Variants in CYP2R1 observed in about 807,000 individuals in gnomAD.
CYP2R1 encodes the protein cytochrome P450 family 2 subfamily R member 1.
CYP2R1 carries 40 observed loss-of-function variants against 45.7 expected under a neutral mutation model. The ratio of observed to expected loss-of-function variants is 0.87; its 90% CI spans 0.68 to 1.14. The LOEUF (loss-of-function observed/expected upper bound fraction) is 1.14. Ranked by LOEUF, CYP2R1 falls within the 50% of genes most tolerant of loss-of-function variation. CYP2R1 has a pLI of 0.00. For missense variants in CYP2R1, 605 were observed against 602.6 expected, an observed-to-expected ratio of 1.00 and a Z score of -0.04; for synonymous variants, 234 against 219.3, an observed-to-expected ratio of 1.07 and a Z score of -0.59.
chr11:14,885,987 C>G (rs1565185093), intron 1 of CYP2R1, 70 bp from the exon 2 acceptor site: 2 of 1,492,100 alleles, frequency 1.3e-6, no homozygotes. Flanking sequence ...TGGAAATCTA[C>G]AAGTGGTAAG....
At chr11:14,887,873 G>C (rs1848679841) in intron 1 of CYP2R1, among the ~76,000 whole-genome samples, 1 of 152,150 alleles carries the variant, frequency 6.6e-6, no homozygotes, top group Non-Finnish European at 1.5e-5. Flanking sequence ...ATAACCTGCA[G>C]GTGACCGGTC....
At chr11:14,886,005 C>A (rs782784041) in intron 1 of CYP2R1, 88 bp from the exon 2 acceptor site, 50 of 1,323,424 alleles carry the variant, frequency 3.8e-5, no homozygotes, top group Non-Finnish European at 5.1e-5. Context: ...AAGTGCGGCT[C>A]TTCCAGGATT....
chr11:14,883,703 G>C (rs1848485322), intron 2 of CYP2R1, among the ~76,000 whole-genome samples: 1 of 151,964 alleles, frequency 6.6e-6, no homozygotes, highest in Non-Finnish European at 1.5e-5. Context: ...TTAAACTCAA[G>C]AGCTTCTGCA....
chr11:14,891,256 G>A (rs868968708), intron 1 of CYP2R1: 9 of 985,038 alleles, frequency 9.1e-6, no homozygotes, highest in African/African-American at 8.7e-5. Flanking sequence ...TCACCGGCTG[G>A]TTATGAGTTT....
chr11:14,884,472 A>G lies in CYP2R1; in HGVS notation c.367+1304T>C, dbSNP rs1306130497. Reference sequence around the variant, plus strand: ...CCGCATATTCTCACTCATAGGTGGGAACTGAACAATGAGAACACATGGACA... The same window carrying G: ...CCGCATATTCTCACTCATAGGTGGGGACTGAACAATGAGAACACATGGACA... On this transcript the variant is annotated intron_variant, in intron 2 of 4. Transcript: ENST00000334636. 5.4e-5 allele frequency among the ~76,000 whole-genome samples: 8 copies of G among 147,194 alleles called. No homozygotes were observed. The East Asian group carries it at 1.6e-3, about 30-fold the overall frequency.
chr11:14,886,159 A>C (rs1490035875), intron 1 of CYP2R1: 1 of 514,474 alleles, frequency 1.9e-6, no homozygotes, highest in Non-Finnish European at 3.5e-6. Flanking sequence ...TATAATGAAA[A>C]GGGTACTGGA....
intron 1 of CYP2R1, among the ~76,000 whole-genome samples, chr11:14,889,918 G>C (rs1274453319): frequency 1.3e-5 from 2 of 152,196 alleles, no homozygotes; most frequent in East Asian, 3.9e-4. Flanking sequence ...CACGAGGTCA[G>C]GAGATCGAGA....
chr11:14,890,555 T>TTTTC (rs1848802955), intron 1 of CYP2R1: 1 of 562,298 alleles, frequency 1.8e-6, no homozygotes, highest in Admixed American at 7.1e-5. Context: ...TTTTTTTTTT[T>TTTTC]TTTTTTTTTG....
intron 2 of CYP2R1, 121 bp from the exon 3 acceptor site, chr11:14,880,889 C>G: frequency 1.1e-6 from 1 of 927,004 alleles, no homozygotes; most frequent in Non-Finnish European, 1.6e-6. Flanking sequence ...TCCTATATAA[C>G]TACATGGTTG....
chr11:14,878,679 C>T (rs1848251326), intron 4 of CYP2R1, among the ~76,000 whole-genome samples: 1 of 152,064 alleles, frequency 6.6e-6, no homozygotes, highest in Non-Finnish European at 1.5e-5. Flanking sequence ...GTTTCTAGTC[C>T]ATCTTCCATG....
At chr11:14,890,918 C>T (rs1283890524) in intron 1 of CYP2R1, 4 of 985,260 alleles carry the variant, frequency 4.1e-6, no homozygotes, top group Non-Finnish European at 3.6e-6. Flanking sequence ...CCACAGTTGC[C>T]AAACATCCCT....
intron 2 of CYP2R1, among the ~76,000 whole-genome samples, chr11:14,883,311 G>C (rs1348904065): frequency 6.6e-6 from 1 of 151,978 alleles, no homozygotes; most frequent in Non-Finnish European, 1.5e-5. Context: ...AACCAAAACA[G>C]CATGGTACTG....
intron 1 of CYP2R1, among the ~76,000 whole-genome samples, chr11:14,888,021 A>G (rs1457598262): frequency 6.6e-6 from 1 of 152,082 alleles, no homozygotes; most frequent in African/African-American, 2.4e-5. Flanking sequence ...TTCTTAGTCT[A>G]GAATGTTCTT....
Position 14,880,892 on chromosome 11 carries a change from C to T in CYP2R1, c.368-124G>A, listed in dbSNP as rs139641526. On this transcript the variant is annotated intron_variant, in intron 2 of 4. Transcript: ENST00000334636. ...TCCAAATTGTCCTCCTATATAACTA[C>T]ATGGTTGGGTCCTGTTCTCAGCAAC... 3.7e-4 allele frequency: 324 copies of T among 884,790 alleles called. No homozygotes were observed. The African/African-American group carries it at 4.8e-3, about 13-fold the overall frequency. 54.8% of individuals were successfully genotyped at this position (884,790 alleles called of 1,614,324 possible).
chr11:14,886,742 T>C (rs1392474229), intron 1 of CYP2R1: 1 of 152,252 alleles, frequency 6.6e-6, no homozygotes, highest in Non-Finnish European at 1.5e-5. Context: ...CAGGATAGCA[T>C]TTTACAGCCA....
At chr11:14,882,971 T>A (rs1258523998) in intron 2 of CYP2R1, among the ~76,000 whole-genome samples, 1 of 152,066 alleles carries the variant, frequency 6.6e-6, no homozygotes, top group Non-Finnish European at 1.5e-5. Flanking sequence ...GAATCCAACT[T>A]ACAAGGGATG....
intron 1 of CYP2R1, chr11:14,891,598 C>G (rs1261857481): frequency 1.9e-6 from 2 of 1,062,322 alleles, no homozygotes; most frequent in Admixed American, 1.0e-4. Flanking sequence ...TTCCACAGAG[C>G]TGCGAGGCCG....
chr11:14,892,091 A>G lies in CYP2R1; in HGVS notation c.115T>C (p.Phe39Leu). ...QLLKQRRPMGFPPGPPGLPFI... is the reference protein window; with the variant it reads ...QLLKQRRPMGLPPGPPGLPFI... ...GGCAGCCCCGGCGGCCCCGGGGGGA[A>G]GCCCATCGGCCGCCTCTGCTTCAGC... Residue 39 changes from phenylalanine to leucine, a missense_variant, in exon 1 of 5, where the codon TTC becomes CTC. Coordinates refer to ENST00000334636, the MANE Select transcript of CYP2R1 (RefSeq NM_024514.5). The G allele has an allele frequency of 2.5e-6, 4 of 1,611,740 alleles. No individual in the cohort carries two copies. The highest frequency in any genetic ancestry group is 3.4e-6 in the Non-Finnish European group (4 of 1,179,664).
intron 1 of CYP2R1, chr11:14,891,630 G>A (rs1476687329): frequency 9.1e-7 from 1 of 1,095,668 alleles, no homozygotes; most frequent in African/African-American, 1.7e-5. Context: ...GCCCGCACCT[G>A]AGGGCATGCG....
Sources: gnomAD v4.1 joint callset for allele counts (sites outside exome capture counted in the v4.1 genomes callset) on GRCh38, gnomAD v4.1.1 for gene constraint, MANE v1.5 for transcripts, NCBI Gene and HGNC (gene_info 2026-07-23, HGNC 2026-07-21) for gene names.